The following SPON1 variants were observed in gnomAD, a reference collection of about 807,000 sequenced individuals.
The protein encoded by SPON1 is spondin 1, also known as spondin-1.
In SPON1, 52 loss-of-function variants were observed where a neutral mutation model predicts 111.7. The observed-to-expected ratio is 0.47, with a 90% CI of 0.37 to 0.59. The LOEUF is 0.59. Among genes scored for constraint, SPON1 ranks in the 20% least tolerant of loss-of-function variants. SPON1 has a pLI of 0.00. For missense variants in SPON1, 957 were observed against 1,068.5 expected (o/e 0.90, Z 1.46); for synonymous variants, 410 against 395.8 (o/e 1.04, Z -0.43).
At chr11:14,160,586 C>A (rs1258333838) in intron 6 of SPON1, among the ~76,000 whole-genome samples, 1 of 8,668 alleles carries the variant, frequency 1.2e-4, no homozygotes, top group Non-Finnish European at 1.8e-4. Context: ...TATATATTTA[C>A]ATATATATAT....
intron 5 of SPON1, among the ~76,000 whole-genome samples, chr11:14,101,128 A>G (rs1849140511): frequency 6.6e-6 from 1 of 152,026 alleles, no homozygotes; most frequent in Non-Finnish European, 1.5e-5. Context: ...GGCTGGGCGC[A>G]GTGGCTAATG....
intron 3 of SPON1, among the ~76,000 whole-genome samples, chr11:14,068,284 A>G (rs1439299473): frequency 6.6e-6 from 1 of 152,164 alleles, no homozygotes; most frequent in African/African-American, 2.4e-5. Flanking sequence ...GAGGAAATAA[A>G]CTGAGCACTA....
intron 6 of SPON1, among the ~76,000 whole-genome samples, chr11:14,233,669 C>T (rs190526611): frequency 6.6e-6 from 1 of 151,768 alleles, no homozygotes; most frequent in African/African-American, 2.4e-5. Flanking sequence ...GGCCCCTGCT[C>T]TAATGCTGGC....
chr11:14,058,360 G>A (rs1171660354), intron 3 of SPON1, among the ~76,000 whole-genome samples: 1 of 152,162 alleles, frequency 6.6e-6, no homozygotes, highest in Non-Finnish European at 1.5e-5. Context: ...CAGAGTGGTG[G>A]GAAATGAGCC....
intron 2 of SPON1, among the ~76,000 whole-genome samples, chr11:14,010,574 G>C (rs957980640): frequency 6.6e-6 from 1 of 152,176 alleles, no homozygotes. Flanking sequence ...CCTAGGCCAA[G>C]CAGGTGACCT....
chr11:14,067,718 A>T (rs2133826183), intron 3 of SPON1, among the ~76,000 whole-genome samples: 1 of 152,306 alleles, frequency 6.6e-6, no homozygotes, highest in East Asian at 1.9e-4. Context: ...TGTGGGTCAC[A>T]TGTCCTACCA....
chr11:14,238,794 G>A (rs1848893385), intron 6 of SPON1, among the ~76,000 whole-genome samples: 1 of 152,174 alleles, frequency 6.6e-6, no homozygotes, highest in Admixed American at 6.5e-5. Flanking sequence ...AATGGAAGAT[G>A]AATATGAGTG....
At chr11:14,149,579 A>G (rs1847764383) in intron 6 of SPON1, among the ~76,000 whole-genome samples, 1 of 152,208 alleles carries the variant, frequency 6.6e-6, no homozygotes, top group Admixed American at 6.5e-5. Context: ...AGGCCTTCAC[A>G]TTCACTCACC....
At chr11:14,225,382 C>G (rs2133908908) in intron 6 of SPON1, among the ~76,000 whole-genome samples, 1 of 152,052 alleles carries the variant, frequency 6.6e-6, no homozygotes, top group East Asian at 1.9e-4. Flanking sequence ...AAAAACAAAA[C>G]TATACATAGT....
At position 14,075,353 on chromosome 11, in the gene SPON1, T is replaced by C. The variant is rs1848908963; in HGVS notation, c.488T>C (p.Ile163Thr). Residue 163 changes from isoleucine to threonine, a missense_variant, in exon 4 of 16, where the codon ATC becomes ACC. Physicochemically the swap from Ile to Thr is moderately conservative, Grantham distance 89 (BLOSUM62 -1). Around this residue, in one of 5 missense-constraint regions of SPON1, gnomAD observed 262 missense variants for 253.9 expected, o/e 1.03. Coordinates refer to ENST00000576479, the MANE Select transcript of SPON1 (RefSeq NM_006108.4). The stretch of plus-strand genomic sequence containing the variant: ...GTCTTCTTTCTTCACAGGGCCAGCA[T>C]CGTACAAAAACGCATTATTTATTTT... ...GTGCVILKAS[I>T]VQKRIIYFQD... The C allele has an allele frequency of 6.4e-7, 1 of 1,558,586 alleles. No homozygotes were observed. The highest frequency in any genetic ancestry group is 8.7e-7 in the Non-Finnish European group (1 of 1,150,100).
At chr11:13,999,756 A>G (rs73420236) in intron 2 of SPON1, among the ~76,000 whole-genome samples, 7,815 of 152,200 alleles carry the variant, frequency 0.051, 671 homozygotes, top group African/African-American at 0.18. Context: ...TTGAGTAGGA[A>G]TCTGACTCAG....
intron 2 of SPON1, among the ~76,000 whole-genome samples, chr11:14,019,231 A>G (rs1459162689): frequency 6.6e-6 from 1 of 152,168 alleles, no homozygotes; most frequent in East Asian, 1.9e-4. Flanking sequence ...ACTTATGACC[A>G]TGGGTAAGTT....
Position 14,068,435 on chromosome 11 carries a change from C to T in SPON1, c.480-6910C>T, listed in dbSNP as rs554149867. ...GTTGTAGTCTTGTTAAGAGCCTAAC[C>T]GACCTCTTACCCAAATTCTGGTAAT... On this transcript the variant is annotated intron_variant, in intron 3 of 15. Coordinates refer to ENST00000576479, the MANE Select transcript of SPON1 (RefSeq NM_006108.4). Among the ~76,000 whole-genome samples, 3 of 152,122 alleles carry T rather than the reference C, an allele frequency of 2.0e-5. No homozygotes were observed. The East Asian group carries it at 5.8e-4, about 29-fold the overall frequency.
chr11:14,041,600 G>A lies in SPON1; in HGVS notation c.425G>A (p.Arg142Gln). Residue 142 changes from arginine to glutamine, a missense_variant, in exon 3 of 16, where the codon CGG becomes CAG. Physicochemically the swap from Arg to Gln is conservative, Grantham distance 43 (BLOSUM62 1). Transcript: ENST00000576479. The stretch of plus-strand genomic sequence containing the variant: ...GAAAGCACTCCACGGAGGAGGACCC[G>A]GATCCAGGTGTTTTGGATAGCACCA... Reference protein sequence around the residue: ...VTESTPRRRTRIQVFWIAPPA... With the variant: ...VTESTPRRRTQIQVFWIAPPA... 1 of 1,613,868 alleles carries A rather than the reference G, an allele frequency of 6.2e-7. No homozygotes were observed. The highest frequency in any genetic ancestry group is 8.5e-7 in the Non-Finnish European group (1 of 1,179,860).
At chr11:14,237,323 C>G (rs1848879623) in intron 6 of SPON1, among the ~76,000 whole-genome samples, 1 of 152,202 alleles carries the variant, frequency 6.6e-6, no homozygotes, top group Non-Finnish European at 1.5e-5. Context: ...CCAGAGGGAA[C>G]CCCAGTGATC....
At chr11:14,056,324 A>G (rs7131289) in intron 3 of SPON1, among the ~76,000 whole-genome samples, 14,588 of 152,250 alleles carry the variant, frequency 0.096, 793 homozygotes, top group Middle Eastern at 0.13. Context: ...TACATTTGCA[A>G]TAAAACAAAG....
intron 5 of SPON1, among the ~76,000 whole-genome samples, chr11:14,084,029 T>G (rs1327011882): frequency 7.2e-5 from 11 of 152,138 alleles, no homozygotes; most frequent in African/African-American, 2.7e-4. Flanking sequence ...GCAGAAGTGC[T>G]TCTGCGTAGT....
At chr11:14,143,095 G>C (rs1204284446) in intron 6 of SPON1, among the ~76,000 whole-genome samples, 27 of 152,206 alleles carry the variant, frequency 1.8e-4, no homozygotes, top group African/African-American at 6.5e-4. Flanking sequence ...AGCAGTTTTG[G>C]TGACTCTTAG....
chr11:14,059,737 C>T (rs1848776099), intron 3 of SPON1, among the ~76,000 whole-genome samples: 1 of 152,018 alleles, frequency 6.6e-6, no homozygotes, highest in Admixed American at 6.5e-5. Context: ...GAGCAAGTTC[C>T]CCCCAGCAGC....
Sources: allele counts gnomAD v4.1 joint callset (sites outside exome capture counted in the v4.1 genomes callset), GRCh38; gene constraint gnomAD v4.1.1; regional missense constraint gnomAD v4.1.1; transcripts MANE v1.5; gene names NCBI Gene and HGNC (gene_info 2026-07-23, HGNC 2026-07-21).